The following CYTH4 variants were observed in gnomAD, a reference collection of about 807,000 sequenced individuals.
CYTH4 encodes the protein cytohesin-4.
In CYTH4, 22 loss-of-function variants were observed where a neutral mutation model predicts 57.5. That is an observed-to-expected ratio of 0.38 (90% CI 0.27 to 0.55). The LOEUF (loss-of-function observed/expected upper bound fraction) is 0.55, where lower values mean the gene tolerates loss of function less well. CYTH4 is among the 20% of genes least tolerant of loss of function. CYTH4 has a pLI of 0.74. For synonymous variants in CYTH4, 186 were observed against 206.5 expected (o/e 0.90, Z 0.85); for missense variants, 420 against 535.6 (o/e 0.78, Z 2.13).
In CYTH4 at chr22:37,286,633, G is replaced by A. The variant is rs75982067; in HGVS notation, c.19+4045G>A. On this transcript the variant is annotated intron_variant, in intron 1 of 12. Transcript: ENST00000248901. ...CTGAAGTAGGAGATAAGGAGGGGCTGCTGGCAGAGAGGAGAAGGAAGGGCG... is the reference window on the plus strand; with the variant it reads ...CTGAAGTAGGAGATAAGGAGGGGCTACTGGCAGAGAGGAGAAGGAAGGGCG... Among the ~76,000 whole-genome samples, 1,170 of 152,268 alleles carry A rather than the reference G, an allele frequency of 7.7e-3. 14 individuals carry two copies. The highest frequency in any genetic ancestry group is 0.027 in the African/African-American group (1,120 of 41,528).
chr22:37,301,076 T>C, intron 7 of CYTH4, 57 bp downstream of exon 7: 1 of 1,475,846 alleles, frequency 6.8e-7, no homozygotes, highest in Non-Finnish European at 9.4e-7. Flanking sequence ...TTGCCAGGCA[T>C]AGATTTCACA....
chr22:37,308,881 T>TGC (rs942171321), intron 8 of CYTH4, among the ~76,000 whole-genome samples: 3 of 151,946 alleles, frequency 2.0e-5, no homozygotes, highest in African/African-American at 7.3e-5. Context: ...TGCGTGTGTG[T>TGC]GCACGTGTGT....
Position 37,311,896 on chromosome 22 carries a change from C to G in CYTH4, c.958-124C>G. The G allele has an allele frequency of 2.4e-6, 3 of 1,242,308 alleles. No individual in the cohort carries two copies. The highest frequency in any genetic ancestry group is 3.4e-6 in the Non-Finnish European group (3 of 895,398). The allele number at this position is 1,242,308 out of a possible 1,614,324, so 77.0% of individuals were successfully genotyped here. Reference sequence around the variant, plus strand: ...TCAGTGTGGGAGCAGCAGCTCCTGCCCCTTCGCCTGTCGTAGGGCTGTCAC... The same window carrying G: ...TCAGTGTGGGAGCAGCAGCTCCTGCGCCTTCGCCTGTCGTAGGGCTGTCAC... On this transcript the variant is annotated intron_variant, in intron 11 of 12. Transcript: ENST00000248901. The surrounding 1 kb of genome is among the most constrained non-coding windows in gnomAD (Gnocchi z 4.4).
At chr22:37,310,959 G>T (rs1261802311) in intron 9 of CYTH4, 29 bp from the exon 10 acceptor site, 3 of 1,613,218 alleles carry the variant, frequency 1.9e-6, no homozygotes, top group Non-Finnish European at 2.5e-6. Flanking sequence ...GAGGAGGACT[G>T]ACCAGCTTGC....
intron 1 of CYTH4, among the ~76,000 whole-genome samples, chr22:37,287,776 G>A (rs572249466): frequency 1.3e-5 from 2 of 152,344 alleles, no homozygotes; most frequent in Admixed American, 6.5e-5. Flanking sequence ...CCTGGGGCGA[G>A]TCACTTCGCC....
chr22:37,299,216 C>T lies in CYTH4; in HGVS notation c.354-10C>T. ...GTGTGTCCCACCCTCCCTTCCGCCT[C>T]CTCCCCCAGGGATCCCATCAACCTG... On this transcript the variant is annotated splice_polypyrimidine_tract_variant and intron_variant, in intron 5 of 12. Transcript: ENST00000248901. The T allele has an allele frequency of 6.2e-7, 1 of 1,611,492 alleles. No individual in the cohort carries two copies. Among genetic ancestry groups the T allele is most frequent in the Non-Finnish European group, 8.5e-7 (1 of 1,177,884 alleles).
intron 5 of CYTH4, 149 bp downstream of exon 5, chr22:37,297,831 C>A (rs1929033136): frequency 1.5e-6 from 1 of 646,618 alleles, no homozygotes; most frequent in Admixed American, 2.5e-5. Flanking sequence ...CCTCCAGATT[C>A]TGAGTCAAAG....
At chr22:37,304,637 C>T (rs1929331501) in intron 8 of CYTH4, among the ~76,000 whole-genome samples, 1 of 152,180 alleles carries the variant, frequency 6.6e-6, no homozygotes, top group Non-Finnish European at 1.5e-5. Flanking sequence ...TCTGGTGCCC[C>T]TCGGTGTTTG....
Position 37,314,308 on chromosome 22 carries a change from G to GT in CYTH4, c.*798dup. ...CAACGTTGCTGGGGAGAGAAAAGCA[G>GT]TATAGACTCCACCTTCCAGGATGTC... On this transcript the variant is annotated 3_prime_UTR_variant, in exon 13 of 13. Transcript: ENST00000248901. 2 of 398,790 alleles carry GT rather than the reference G, an allele frequency of 5.0e-6. No homozygotes were observed. The highest frequency in any genetic ancestry group is 8.8e-6 in the Non-Finnish European group (2 of 226,104). The allele number at this position is 398,790 out of a possible 1,614,324, so 24.7% of individuals were successfully genotyped here. A position where few individuals can be genotyped will look rare whatever the true frequency, so the allele number is the denominator to read the frequency against.
chr22:37,310,850 G>C (rs1929610794), intron 9 of CYTH4, 138 bp from the exon 10 acceptor site: 2 of 763,416 alleles, frequency 2.6e-6, no homozygotes, highest in Admixed American at 2.2e-5. Context: ...TAGATGTTGG[G>C]GGGAGGTGTG....
rs376205717 is a variant in CYTH4, at chr22:37,295,398, ACACACACACAAGCATG to A, written c.168-590_168-575del. Among the ~76,000 whole-genome samples, 33 of 135,230 alleles carry A rather than the reference ACACACACACAAGCATG, an allele frequency of 2.4e-4. No individual in the cohort carries two copies. The highest frequency in any genetic ancestry group is 1.2e-3 in the African/African-American group (32 of 26,750). 88.7% of individuals were successfully genotyped at this position (135,230 alleles called of 152,430 possible). A position where few individuals can be genotyped will look rare whatever the true frequency, so the allele number is the denominator to read the frequency against. On this transcript the variant is annotated intron_variant, in intron 3 of 12. Coordinates refer to ENST00000248901, the MANE Select transcript of CYTH4 (RefSeq NM_013385.5). This position sits in a 1 kb window ranked among gnomAD's most constrained non-coding sequence, Gnocchi z 4.1. The stretch of plus-strand genomic sequence containing the variant: ...CACATGCACACACACACACGCATGC[ACACACACACAAGCATG>A]CACACACACACAAGCATGCACACAC...
Position 37,313,541 on chromosome 22 carries a change from C to T in CYTH4, c.*30C>T. On this transcript the variant is annotated 3_prime_UTR_variant, in exon 13 of 13. Transcript: ENST00000248901. ...CCTGGAGGTGGCACTGGGGGCTGGTCACCCTGAGAGTCCCATCGCCTGCAG... is the reference window on the plus strand; with the variant it reads ...CCTGGAGGTGGCACTGGGGGCTGGTTACCCTGAGAGTCCCATCGCCTGCAG... 6.2e-7 allele frequency: 1 copy of T among 1,608,304 alleles called. No homozygotes were observed. Among genetic ancestry groups the T allele is most frequent in the East Asian group, 2.2e-5 (1 of 44,860 alleles).
rs555988064 is a variant in CYTH4 at position 37,295,135 on chromosome 22, G to C, written c.167+411G>C. Among the ~76,000 whole-genome samples, 3 of 151,880 alleles carry C rather than the reference G, an allele frequency of 2.0e-5. No individual in the cohort carries two copies. The highest frequency in any genetic ancestry group is 4.4e-5 in the Non-Finnish European group (3 of 67,932). On this transcript the variant is annotated intron_variant, in intron 3 of 12. Coordinates refer to ENST00000248901, the MANE Select transcript of CYTH4 (RefSeq NM_013385.5). The surrounding 1 kb of genome is among the most constrained non-coding windows in gnomAD (Gnocchi z 4.1). The stretch of plus-strand genomic sequence containing the variant: ...CCCCACCCCACTCACCACTAACCCC[G>C]GGCCAGCCACGCCCACCGCCTCTGT...
At chr22:37,306,706 G>A (rs55714252) in intron 8 of CYTH4, among the ~76,000 whole-genome samples, 5,867 of 152,274 alleles carry the variant, frequency 0.039, 124 homozygotes, top group Non-Finnish European at 0.052. Context: ...GTGACATCAC[G>A]GCCTGATCCA....
At chr22:37,305,992 C>T (rs945389046) in intron 8 of CYTH4, among the ~76,000 whole-genome samples, 2 of 152,198 alleles carry the variant, frequency 1.3e-5, no homozygotes, top group African/African-American at 2.4e-5. Flanking sequence ...AGTTCAGACT[C>T]ACAGGGATGG....
At chr22:37,301,797 A>G (rs1929194627) in intron 7 of CYTH4, 1 of 143,696 alleles carries the variant, frequency 7.0e-6, no homozygotes, top group Non-Finnish European at 1.5e-5. Flanking sequence ...TCCCAGGTTC[A>G]TGCAATTCTC....
chr22:37,284,079 C>G (rs978258560), intron 1 of CYTH4, among the ~76,000 whole-genome samples: 1 of 152,178 alleles, frequency 6.6e-6, no homozygotes, highest in African/African-American at 2.4e-5. Context: ...AGCAGCAGAG[C>G]AGGGACGAGA....
chr22:37,308,981 C>CCGGGGCGG (rs1929532042), intron 8 of CYTH4, among the ~76,000 whole-genome samples: 1 of 152,010 alleles, frequency 6.6e-6, no homozygotes, highest in Non-Finnish European at 1.5e-5. Flanking sequence ...GGAAGCATGA[C>CCGGGGCGG]CGGGGTGGCG....
Position 37,295,508 on chromosome 22 carries a change from A to G in CYTH4, c.168-491A>G, listed in dbSNP as rs1467256857. Among the ~76,000 whole-genome samples the G allele has an allele frequency of 1.3e-5, 2 of 152,168 alleles. No individual in the cohort carries two copies. The highest frequency in any genetic ancestry group is 1.9e-4 in the East Asian group (1 of 5,198). On this transcript the variant is annotated intron_variant, in intron 3 of 12. Transcript: ENST00000248901. This position sits in a 1 kb window ranked among gnomAD's most constrained non-coding sequence, Gnocchi z 4.1. ...CTGTTCCAGCCACAACAATGACAAC[A>G]TAACACACCTACGCCTCACTGTTTT...
Sources: allele counts gnomAD v4.1 joint callset (sites outside exome capture counted in the v4.1 genomes callset), GRCh38; gene constraint gnomAD v4.1.1; non-coding constraint Gnocchi (gnomAD v3.1); transcripts MANE v1.5; gene names NCBI Gene and HGNC (gene_info 2026-07-23, HGNC 2026-07-21).